The following ARHGAP10 variants were observed in gnomAD, a reference collection of about 807,000 sequenced individuals.
ARHGAP10 encodes the protein rho GTPase-activating protein 10.
A neutral mutation model predicts 108.6 loss-of-function variants in ARHGAP10; 87 were observed. The ratio of observed to expected loss-of-function variants is 0.80; its 90% confidence interval spans 0.67 to 0.96. ARHGAP10 has a LOEUF of 0.96. Ranked by LOEUF, ARHGAP10 falls within the 40% of genes least tolerant of loss-of-function variation. The pLI is 0.00. For missense variants in ARHGAP10, 939 were observed against 954.5 expected (o/e 0.98, Z 0.21); for synonymous variants, 347 against 341.1 (o/e 1.02, Z -0.19).
At chr4:148,062,057 A>T (rs920316017) in intron 20 of ARHGAP10, among the ~76,000 whole-genome samples, 2 of 152,216 alleles carry the variant, frequency 1.3e-5, no homozygotes, top group African/African-American at 4.8e-5. Context: ...TGGGAACGCC[A>T]GGAAGCAGAG....
chr4:147,941,376 A>G (rs924743967), intron 14 of ARHGAP10, among the ~76,000 whole-genome samples: 1 of 152,188 alleles, frequency 6.6e-6, no homozygotes, highest in Non-Finnish European at 1.5e-5. Context: ...TGCTAAACTC[A>G]GCGTGGTAGT....
At chr4:147,989,209 T>C (rs1740167460) in intron 18 of ARHGAP10, among the ~76,000 whole-genome samples, 1 of 152,034 alleles carries the variant, frequency 6.6e-6, no homozygotes, top group Admixed American at 6.6e-5. Flanking sequence ...TACGAATAGG[T>C]GTGGGTGACA....
intron 7 of ARHGAP10, among the ~76,000 whole-genome samples, chr4:147,873,552 A>C (rs1362351381): frequency 1.3e-5 from 2 of 151,678 alleles, no homozygotes; most frequent in African/African-American, 4.8e-5. Context: ...AGGGTGGGGG[A>C]TGGTGGCTCA....
At chr4:147,858,992 G>A (rs558567722) in intron 5 of ARHGAP10, among the ~76,000 whole-genome samples, 8 of 152,088 alleles carry the variant, frequency 5.3e-5, no homozygotes, top group South Asian at 2.1e-4. Context: ...CTCATGACTC[G>A]CTCTTCTCCA....
intron 18 of ARHGAP10, among the ~76,000 whole-genome samples, chr4:147,984,066 C>CTGTTT (rs1439239886): frequency 2.0e-5 from 3 of 152,096 alleles, no homozygotes; most frequent in Non-Finnish European, 4.4e-5. Context: ...AGTTCCAAGG[C>CTGTTT]TGTTTATGAG....
chr4:147,895,591 G>A (rs897524360), intron 10 of ARHGAP10, among the ~76,000 whole-genome samples: 1 of 151,486 alleles, frequency 6.6e-6, no homozygotes, highest in Middle Eastern at 3.2e-3. Context: ...AGGCTGAGGT[G>A]GGAAGACAGT....
chr4:148,001,214 C>T (rs1327555318), intron 18 of ARHGAP10, among the ~76,000 whole-genome samples: 1 of 152,148 alleles, frequency 6.6e-6, no homozygotes, highest in African/African-American at 2.4e-5. Context: ...TGTCAAAGAT[C>T]ATACGGTTGT....
chr4:147,946,619 G>A lies in ARHGAP10; in HGVS notation c.1306G>A (p.Val436Ile). 7 of 1,612,012 alleles carry A rather than the reference G, an allele frequency of 4.3e-6. No homozygotes were observed. Among genetic ancestry groups the A allele is most frequent in the Non-Finnish European group, 5.9e-6 (7 of 1,179,334 alleles). ...TTTCTTGTTTGCTTGCTCACTAGAT[G>A]TAAAAACATGCAATGAGGTGGACCT... ...VQRLLSMLMD[V>I]KTCNEVDLEN... is the part of the protein sequence containing the mutation. The change falls in exon 15 of 23, where the codon GTA becomes ATA. Residue 436 changes from valine (V) to isoleucine (I), a missense_variant and splice_region_variant. Transcript: ENST00000336498.
At chr4:148,056,614 T>G (rs1729375202) in intron 20 of ARHGAP10, among the ~76,000 whole-genome samples, 1 of 143,418 alleles carries the variant, frequency 7.0e-6, no homozygotes, top group Admixed American at 7.1e-5. Context: ...TTAAAAATAA[T>G]GAAATTAGTG....
rs1178829420 is a variant in ARHGAP10, at chr4:147,906,692, G to A, written c.1089G>A (p.Trp363Ter). The part of the protein sequence containing the change: ...QAFSEEERKQ[W>*]LEALGGKEAL... ...TTTCCGAAGAGGAAAGGAAGCAGTG[G>A]TTGGAAGCTCTGGGTGGAAAGGAAG... The change falls in exon 11 of 23, where the codon TGG becomes TGA. Residue 363 changes from tryptophan (W) to a stop codon, truncating the protein, a stop_gained. Coordinates refer to ENST00000336498, the MANE Select transcript of ARHGAP10 (RefSeq NM_024605.4). LOFTEE classifies it high-confidence loss of function. The A allele has an allele frequency of 6.2e-7, 1 of 1,614,172 alleles. No individual in the cohort carries two copies. The highest frequency in any genetic ancestry group is 2.2e-5 in the East Asian group (1 of 44,876).
rs1491305896 is a variant in ARHGAP10, at chr4:147,798,722, A to ACTCTCTCTCTCT, written c.155-24004_155-24003insTCTCTCTCTCTC. Among the ~76,000 whole-genome samples the ACTCTCTCTCTCT allele has an allele frequency of 5.6e-5, 6 of 107,440 alleles. 1 individual carries two copies. The highest frequency in any genetic ancestry group is 2.8e-4 in the East Asian group (1 of 3,618). 70.5% of individuals were successfully genotyped at this position (107,440 alleles called of 152,430 possible). Reference sequence around the variant, plus strand: ...CATTACGTGAGGTCAGGAGTTTGAGACACTCTCTCTCTCTCTCTCTCTCTC... The same window carrying ACTCTCTCTCTCT: ...CATTACGTGAGGTCAGGAGTTTGAGACTCTCTCTCTCTCACTCTCTCTCTCTCTCTCTCTCTC... On this transcript the variant is annotated intron_variant, in intron 1 of 22. Coordinates refer to ENST00000336498, the MANE Select transcript of ARHGAP10 (RefSeq NM_024605.4).
At chr4:147,851,340 G>T (rs1407708039) in intron 4 of ARHGAP10, among the ~76,000 whole-genome samples, 1 of 151,728 alleles carries the variant, frequency 6.6e-6, no homozygotes, top group Non-Finnish European at 1.5e-5. Flanking sequence ...GATGATCTGA[G>T]CAGCCAGGAC....
At chr4:147,795,903 C>G (rs1440873032) in intron 1 of ARHGAP10, among the ~76,000 whole-genome samples, 1 of 152,080 alleles carries the variant, frequency 6.6e-6, no homozygotes, top group Non-Finnish European at 1.5e-5. Flanking sequence ...CCATATTGGA[C>G]AAGCTGGTCT....
At chr4:147,881,999 GGTTA>G in intron 10 of ARHGAP10, 67 bp downstream of exon 10, 1 of 1,448,692 alleles carries the variant, frequency 6.9e-7, no homozygotes, top group Non-Finnish European at 9.6e-7. Flanking sequence ...AAAAAATAGA[GGTTA>G]GTTGCAACTG....
intron 1 of ARHGAP10, among the ~76,000 whole-genome samples, chr4:147,797,253 A>G (rs1382457875): frequency 6.7e-6 from 1 of 150,104 alleles, no homozygotes; most frequent in African/African-American, 2.5e-5. Context: ...TTCTTCCATG[A>G]CTCCTTATTA....
intron 20 of ARHGAP10, among the ~76,000 whole-genome samples, chr4:148,062,000 G>A (rs1352560033): frequency 1.3e-5 from 2 of 152,176 alleles, no homozygotes; most frequent in East Asian, 3.9e-4. Flanking sequence ...GGCAAGATTA[G>A]AGCAGGGCGG....
chr4:148,059,993 A>G (rs867974924), intron 20 of ARHGAP10, among the ~76,000 whole-genome samples: 132 of 140,190 alleles, frequency 9.4e-4, no homozygotes, highest in Non-Finnish European at 1.5e-3. Context: ...AGAGAGAGAG[A>G]GGGGAGAGAG....
chr4:147,971,564 GGTGGAGAT>G (rs1188030224), intron 18 of ARHGAP10, among the ~76,000 whole-genome samples: 1 of 152,194 alleles, frequency 6.6e-6, no homozygotes, highest in Non-Finnish European at 1.5e-5. Flanking sequence ...AGTTTGAACA[GGTGGAGAT>G]GTTTTAAGAG....
chr4:147,975,436 T>G (rs1553967610), intron 18 of ARHGAP10, among the ~76,000 whole-genome samples: 1 of 152,232 alleles, frequency 6.6e-6, no homozygotes, highest in Non-Finnish European at 1.5e-5. Flanking sequence ...TGTGTTGCTA[T>G]AACAATACTT....
Sources: gnomAD v4.1 joint callset for allele counts (sites outside exome capture counted in the v4.1 genomes callset) on GRCh38, gnomAD v4.1.1 for gene constraint, MANE v1.5 for transcripts, NCBI Gene and HGNC (gene_info 2026-07-23, HGNC 2026-07-21) for gene names.